Variants in ACSBG2 observed in about 807,000 individuals in gnomAD.
The protein encoded by ACSBG2 is long-chain-fatty-acid--CoA ligase ACSBG2.
ACSBG2 carries 62 observed loss-of-function variants against 74.7 expected under a neutral mutation model. The ratio of observed to expected loss-of-function variants is 0.83; its 90% CI spans 0.68 to 1.03. ACSBG2 has a LOEUF of 1.03. Ranked by LOEUF, ACSBG2 falls within the 50% of genes least tolerant of loss-of-function variation. ACSBG2 has a pLI of 0.00. For missense variants in ACSBG2, 730 were observed against 817.6 expected, an observed-to-expected ratio of 0.89 and a Z score of 1.31; for synonymous variants, 309 against 294.1, an observed-to-expected ratio of 1.05 and a Z score of -0.52.
rs559993599 is a variant in ACSBG2 at position 6,157,249 on chromosome 19, G to A, written c.507+698G>A. Among the ~76,000 whole-genome samples the A allele has an allele frequency of 4.0e-5, 6 of 151,424 alleles. No individual in the cohort carries two copies. In the East Asian group the frequency reaches 1.0e-3, roughly 25 times the overall value. The stretch of plus-strand genomic sequence containing the variant: ...AGGCGTGAGCCACCGCCCCGAGCCC[G>A]GGCTAACTTTTAAAACATTTTTTGG... On this transcript the variant is annotated intron_variant, in intron 5 of 14. Transcript: ENST00000588485.
intron 13 of ACSBG2, chr19:6,190,301 A>C (rs1219116806): frequency 1.4e-5 from 5 of 366,174 alleles, no homozygotes; most frequent in African/African-American, 4.1e-5. Flanking sequence ...GTATGGTTTG[A>C]GATGATGATA....
chr19:6,139,959 C>T (rs2088755512), intron 1 of ACSBG2, among the ~76,000 whole-genome samples: 1 of 152,058 alleles, frequency 6.6e-6, no homozygotes, highest in Non-Finnish European at 1.5e-5. Context: ...TGCGGTGGCT[C>T]ACGCCTGTCA....
chr19:6,161,173 A>G (rs2089597724), intron 5 of ACSBG2, 42 bp from the exon 6 acceptor site: 1 of 1,554,972 alleles, frequency 6.4e-7, no homozygotes, highest in Non-Finnish European at 8.9e-7. Flanking sequence ...AGTCTTTCCC[A>G]GGGCTGGGTT....
rs866017688 is a variant in ACSBG2 at position 6,182,856 on chromosome 19, T to A, written c.1012T>A (p.Ser338Thr). 27 of 1,614,020 alleles carry A rather than the reference T, an allele frequency of 1.7e-5. No individual in the cohort carries two copies. The Middle Eastern group carries it at 1.8e-3, about 108-fold the overall frequency. ...HEMVKKNSAKSMGLKKKAFVW... is the reference protein window; with the variant it reads ...HEMVKKNSAKTMGLKKKAFVW... The stretch of plus-strand genomic sequence containing the variant: ...GATGGTGAAGAAAAATAGTGCCAAG[T>A]CCATGGGCTTGAAGAAGAAGGCATT... Residue 338 changes from serine to threonine, a missense_variant, in exon 9 of 15, where the codon TCC becomes ACC. Coordinates refer to ENST00000588485, the MANE Select transcript of ACSBG2 (RefSeq NM_030924.5).
chr19:6,153,406 G>C (rs950106832), intron 4 of ACSBG2, among the ~76,000 whole-genome samples: 1 of 152,058 alleles, frequency 6.6e-6, no homozygotes, highest in East Asian at 1.9e-4. Context: ...CGATAATCTG[G>C]GACCAATAGA....
rs1005083017 is a variant in ACSBG2, at chr19:6,180,855, G to T, written c.907-1896G>T. Among the ~76,000 whole-genome samples, 3 of 152,006 alleles carry T rather than the reference G, an allele frequency of 2.0e-5. No individual in the cohort carries two copies. Among genetic ancestry groups the T allele is most frequent in the African/African-American group, 7.3e-5 (3 of 41,364 alleles). On this transcript the variant is annotated intron_variant, in intron 8 of 14. Transcript: ENST00000588485. The surrounding 1 kb of genome is among the most constrained non-coding windows in gnomAD (Gnocchi z 4.3). ...AAAAAGAAATCTGTTCAAATAGTTTGCCCATATAAAAATGTGGTTGCTCTT... is the reference window on the plus strand; with the variant it reads ...AAAAAGAAATCTGTTCAAATAGTTTTCCCATATAAAAATGTGGTTGCTCTT...
intron 2 of ACSBG2, among the ~76,000 whole-genome samples, chr19:6,145,820 C>A (rs1259246105): frequency 1.3e-5 from 2 of 152,156 alleles, no homozygotes; most frequent in Admixed American, 1.3e-4. Context: ...CTCAACAACC[C>A]CCTCAACAAC....
chr19:6,150,815 A>T (rs1349151807), intron 3 of ACSBG2, among the ~76,000 whole-genome samples: 1 of 152,094 alleles, frequency 6.6e-6, no homozygotes, highest in East Asian at 1.9e-4. Context: ...ACTAAACTAC[A>T]CTCTTAAAAA....
At position 6,185,424 on chromosome 19, in the gene ACSBG2, G is replaced by A. The variant is rs369523538; in HGVS notation, c.1323-12G>A. The stretch of plus-strand genomic sequence containing the variant: ...CCTATGAGCCTGTTTCTCTGCTTCT[G>A]TCCCCTGGCAGCTGTGGCAAGATCT... On this transcript the variant is annotated splice_polypyrimidine_tract_variant and intron_variant, in intron 10 of 14. Coordinates refer to ENST00000588485, the MANE Select transcript of ACSBG2 (RefSeq NM_030924.5). 3 of 1,613,790 alleles carry A rather than the reference G, an allele frequency of 1.9e-6. No individual in the cohort carries two copies. In the African/African-American group the frequency reaches 4.0e-5, roughly 22 times the overall value.
At chr19:6,169,152 T>A (rs1457243240) in intron 7 of ACSBG2, among the ~76,000 whole-genome samples, 1 of 152,246 alleles carries the variant, frequency 6.6e-6, no homozygotes, top group South Asian at 2.1e-4. Flanking sequence ...ACTCTGTTAA[T>A]TGTTTCTTTT....
chr19:6,163,634 A>G (rs942015950), intron 6 of ACSBG2, among the ~76,000 whole-genome samples: 6 of 151,842 alleles, frequency 4.0e-5, no homozygotes, highest in Admixed American at 6.6e-5. Flanking sequence ...TCAGCTACTC[A>G]GGAGGCTGAG....
At chr19:6,148,700 C>T (rs1219482326) in intron 3 of ACSBG2, among the ~76,000 whole-genome samples, 1 of 151,842 alleles carries the variant, frequency 6.6e-6, no homozygotes, top group African/African-American at 2.4e-5. Flanking sequence ...TTCTTGGGGG[C>T]CCCACCTTCA....
chr19:6,189,427 G>A (rs187544236), intron 13 of ACSBG2, among the ~76,000 whole-genome samples: 2 of 152,258 alleles, frequency 1.3e-5, no homozygotes, highest in East Asian at 3.9e-4. Flanking sequence ...GTAATCTGAC[G>A]GTGTGGATGG....
chr19:6,145,519 A>G (rs1470533606), intron 2 of ACSBG2, among the ~76,000 whole-genome samples: 1 of 151,478 alleles, frequency 6.6e-6, no homozygotes, highest in Non-Finnish European at 1.5e-5. Flanking sequence ...GCCATCTACC[A>G]CCTCCCCAGT....
chr19:6,172,999 C>T lies in ACSBG2; in HGVS notation c.739-4230C>T, dbSNP rs538170671. Among the ~76,000 whole-genome samples, 3 of 152,286 alleles carry T rather than the reference C, an allele frequency of 2.0e-5. No individual in the cohort carries two copies. In the East Asian group the frequency reaches 5.8e-4, roughly 29 times the overall value. On this transcript the variant is annotated intron_variant, in intron 7 of 14. Transcript: ENST00000588485. ...AAAGGCTTCATCCTTTAGTTCCTGG[C>T]AGCAGTGTGGGGTGGGAGGGCAGGT... is the stretch of plus-strand genomic sequence containing the variant.
intron 8 of ACSBG2, among the ~76,000 whole-genome samples, chr19:6,178,685 ATTT>A: frequency 6.6e-6 from 1 of 151,916 alleles, no homozygotes; most frequent in East Asian, 1.9e-4. Context: ...CCATTGCATT[ATTT>A]TTTTCCTCCA....
chr19:6,158,345 C>G (rs539556635), intron 5 of ACSBG2, among the ~76,000 whole-genome samples: 2 of 152,056 alleles, frequency 1.3e-5, no homozygotes, highest in African/African-American at 2.4e-5. Context: ...GCATGAGATA[C>G]TGCACCTGGC....
rs768357589 is a variant in ACSBG2, at chr19:6,187,792, T to C, written c.1874T>C (p.Ile625Thr). The C allele has an allele frequency of 1.5e-5, 25 of 1,614,052 alleles. No individual in the cohort carries two copies. The highest frequency in any genetic ancestry group is 1.6e-4 in the Middle Eastern group (1 of 6,084). Residue 625 changes from isoleucine (I) to threonine (T), a missense_variant, in exon 13 of 15, where the codon ATT (isoleucine) becomes ACT (threonine). By Grantham distance (89) the Ile-to-Thr change is moderately conservative. Transcript: ENST00000588485. ...GAAGCCATGAACAATGCACAGAGGA[T>C]TGAAAAGTGGGTCATCTTGGAGAAG... Reference protein sequence around the residue: ...NQEAMNNAQRIEKWVILEKDF... With the variant: ...NQEAMNNAQRTEKWVILEKDF...
chr19:6,140,715 C>T (rs149344007), intron 1 of ACSBG2, among the ~76,000 whole-genome samples: 79 of 152,212 alleles, frequency 5.2e-4, no homozygotes, highest in African/African-American at 1.6e-3. Flanking sequence ...TAAGTGTTTT[C>T]GAAAGAGGTG....
Sources: gnomAD v4.1 joint callset for allele counts (sites outside exome capture counted in the v4.1 genomes callset) on GRCh38, gnomAD v4.1.1 for gene constraint, Gnocchi (gnomAD v3.1) non-coding constraint, MANE v1.5 for transcripts, NCBI Gene and HGNC (gene_info 2026-07-23, HGNC 2026-07-21) for gene names.